The following DNAH9 variants were observed in gnomAD, a reference collection of about 807,000 sequenced individuals.
DNAH9 encodes the protein dynein axonemal heavy chain 9.
In DNAH9, 345 loss-of-function variants were observed where a neutral mutation model predicts 471.6. The ratio of observed to expected loss-of-function variants is 0.73; its 90% CI spans 0.67 to 0.80. The LOEUF (loss-of-function observed/expected upper bound fraction) is 0.80, where lower values mean the gene tolerates loss of function less well. DNAH9 is among the 30% of genes least tolerant of loss of function. DNAH9 has a pLI of 0.00. For synonymous variants in DNAH9, 2,093 were observed against 2,123.6 expected (o/e 0.99, Z 0.40); for missense variants, 5,407 against 5,609.2 (o/e 0.96, Z 1.15).
At chr17:11,967,249 G>C (rs1976815482) in intron 68 of DNAH9, among the ~76,000 whole-genome samples, 1 of 151,784 alleles carries the variant, frequency 6.6e-6, no homozygotes, top group Non-Finnish European at 1.5e-5. Context: ...GGGACTACAG[G>C]CATGTGCCAC....
At chr17:11,736,843 G>C (rs781460804) in intron 28 of DNAH9, among the ~76,000 whole-genome samples, 1 of 152,220 alleles carries the variant, frequency 6.6e-6, no homozygotes, top group Non-Finnish European at 1.5e-5. Flanking sequence ...CAGCAGAAAA[G>C]GTCCCAGGCT....
Position 11,902,837 on chromosome 17 carries a change from G to A in DNAH9, c.11525G>A (p.Trp3842Ter). 6.2e-7 allele frequency: 1 copy of A among 1,613,996 alleles called. No individual in the cohort carries two copies. Among genetic ancestry groups the A allele is most frequent in the African/African-American group, 1.3e-5 (1 of 75,054 alleles). Residue 3842 changes from tryptophan to a stop codon, truncating the protein, a stop_gained, in exon 60 of 69, where the codon TGG (tryptophan) becomes TAG (stop). Transcript: ENST00000262442. LOFTEE classifies it high-confidence loss of function. ...GAGAAAGAGAAGCTCCCACAGGAGTGGAAGAACAAGACAGCCCTGCAGCGC... is the reference window on the plus strand; with the variant it reads ...GAGAAAGAGAAGCTCCCACAGGAGTAGAAGAACAAGACAGCCCTGCAGCGC... ...CPEKEKLPQEWKNKTALQRLC... is the reference protein window; with the variant it reads ...CPEKEKLPQE
At chr17:11,681,064 A>G (rs1210538916) in intron 19 of DNAH9, among the ~76,000 whole-genome samples, 175 bp downstream of exon 19, 3 of 152,184 alleles carry the variant, frequency 2.0e-5, no homozygotes, top group African/African-American at 7.2e-5. Flanking sequence ...GAATCCTATC[A>G]TGACCTGTAT....
At chr17:11,747,898 A>G in intron 32 of DNAH9, 132 bp downstream of exon 32, 1 of 812,520 alleles carries the variant, frequency 1.2e-6, no homozygotes, top group Non-Finnish European at 1.9e-6. Context: ...GGGAGACAAA[A>G]AAGCCAGTAG....
intron 30 of DNAH9, among the ~76,000 whole-genome samples, chr17:11,743,948 G>C (rs2075473829): frequency 1.3e-5 from 2 of 151,722 alleles, no homozygotes; most frequent in South Asian, 4.2e-4. Flanking sequence ...TCCTGCCTCA[G>C]CCTCCTGAGT....
At chr17:11,893,177 G>T (rs1597796687) in intron 58 of DNAH9, among the ~76,000 whole-genome samples, 3 of 16,678 alleles carry the variant, frequency 1.8e-4, no homozygotes, top group Non-Finnish European at 4.0e-4. Flanking sequence ...CTTGGCCTTT[G>T]CAAAAAAAAA....
chr17:11,856,707 G>GA (rs1214649661), intron 50 of DNAH9, among the ~76,000 whole-genome samples: 2,291 of 143,284 alleles, frequency 0.016, 48 homozygotes, highest in African/African-American at 0.054. Flanking sequence ...CCCTGTCTCA[G>GA]AAAAAAAAAA....
rs1043966566 is a variant in DNAH9, at chr17:11,694,231, T to G, written c.4746-90T>G. On this transcript the variant is annotated intron_variant, in intron 21 of 68. Transcript: ENST00000262442. ...TTCTTGTGCTAATGCATATGTTCCG[T>G]CTATTGCATATACATACATTTAAGT... The G allele has an allele frequency of 2.0e-5, 28 of 1,415,620 alleles. No homozygotes were observed. In the African/African-American group the frequency reaches 2.8e-4, roughly 14 times the overall value. 87.7% of individuals were successfully genotyped at this position (1,415,620 alleles called of 1,614,324 possible). A position where few individuals can be genotyped will look rare whatever the true frequency, so the allele number is the denominator to read the frequency against.
At position 11,617,448 on chromosome 17, in the gene DNAH9, A is replaced by T; in HGVS notation, c.942A>T (p.Ile314=). 1 of 1,614,126 alleles carries T rather than the reference A, an allele frequency of 6.2e-7. No homozygotes were observed. The highest frequency in any genetic ancestry group is 8.5e-7 in the Non-Finnish European group (1 of 1,180,016). ...AEAQDIHVHL[I]PLQRHLEALE... is the part of the protein sequence containing the mutation. The stretch of plus-strand genomic sequence containing the variant: ...CACAGGACATCCATGTGCACCTGAT[A>T]CCGCTCCAGCGCCACCTGGAAGCTC... Residue 314 remains isoleucine, a synonymous_variant, in exon 5 of 69, where the codon ATA becomes ATT. Transcript: ENST00000262442.
intron 20 of DNAH9, among the ~76,000 whole-genome samples, chr17:11,693,237 CTTTTTT>C (rs776422086): frequency 2.6e-5 from 2 of 77,440 alleles, no homozygotes; most frequent in African/African-American, 5.6e-5. Context: ...TTAAAATGCC[CTTTTTT>C]TTTTTTTTTT....
At chr17:11,760,201 A>G (rs1177031215) in intron 35 of DNAH9, among the ~76,000 whole-genome samples, 1 of 152,204 alleles carries the variant, frequency 6.6e-6, no homozygotes, top group Admixed American at 6.5e-5. Flanking sequence ...ATAGTGCTGC[A>G]ATAAACATAA....
At chr17:11,792,262 G>A (rs1045026123) in intron 41 of DNAH9, among the ~76,000 whole-genome samples, 2 of 152,174 alleles carry the variant, frequency 1.3e-5, no homozygotes, top group African/African-American at 2.4e-5. Flanking sequence ...CAACAAGAGC[G>A]AAACTCCGTC....
intron 26 of DNAH9, among the ~76,000 whole-genome samples, chr17:11,708,645 A>G (rs2108960): frequency 2.5e-4 from 38 of 152,226 alleles, no homozygotes; most frequent in African/African-American, 8.7e-4. Flanking sequence ...CTCCTCTAGT[A>G]TCTGTCTTTA....
chr17:11,795,819 G>A (rs911334948), intron 42 of DNAH9, among the ~76,000 whole-genome samples: 5 of 152,166 alleles, frequency 3.3e-5, no homozygotes, highest in African/African-American at 1.2e-4. Context: ...ACTGCCTTTT[G>A]ATCACAGACC....
intron 14 of DNAH9, among the ~76,000 whole-genome samples, chr17:11,659,741 T>G (rs1334301083): frequency 4.6e-5 from 7 of 152,254 alleles, no homozygotes; most frequent in Admixed American, 3.9e-4. Flanking sequence ...CACCACCTGC[T>G]TCTTTGTTTG....
Position 11,728,639 on chromosome 17 carries a change from G to A in DNAH9, c.5814+717G>A, listed in dbSNP as rs150261284. Among the ~76,000 whole-genome samples, 226 of 151,838 alleles carry A rather than the reference G, an allele frequency of 1.5e-3. 2 individuals are homozygous for A. Among genetic ancestry groups the A allele is most frequent in the Admixed American group, 3.6e-3 (55 of 15,232 alleles). On this transcript the variant is annotated intron_variant, in intron 28 of 68. Coordinates refer to ENST00000262442, the MANE Select transcript of DNAH9 (RefSeq NM_001372.4). ...ATGAGACTTCCAAATGCATTACATT[G>A]AAAAGATGGAGAGGATTTTGGATTT...
intron 26 of DNAH9, among the ~76,000 whole-genome samples, chr17:11,717,250 G>A (rs2074979534): frequency 6.6e-6 from 1 of 152,120 alleles, no homozygotes; most frequent in African/African-American, 2.4e-5. Context: ...AACCATCTGG[G>A]AGCTGAGCAC....
intron 45 of DNAH9, among the ~76,000 whole-genome samples, chr17:11,817,782 A>G (rs1317867429): frequency 6.6e-6 from 1 of 152,260 alleles, no homozygotes; most frequent in African/African-American, 2.4e-5. Flanking sequence ...ATTATAGTAC[A>G]GGAATTTTAT....
chr17:11,936,675 T>C (rs1974724376), intron 65 of DNAH9, among the ~76,000 whole-genome samples: 1 of 152,006 alleles, frequency 6.6e-6, no homozygotes, highest in South Asian at 2.1e-4. Context: ...AAAATAAAAC[T>C]GAGCCTTAGC....
Sources: allele counts gnomAD v4.1 joint callset (sites outside exome capture counted in the v4.1 genomes callset), GRCh38; gene constraint gnomAD v4.1.1; transcripts MANE v1.5; gene names NCBI Gene and HGNC (gene_info 2026-07-23, HGNC 2026-07-21).